TXNDC8: variants seen among roughly 807,000 people sequenced by gnomAD.
TXNDC8 encodes thioredoxin domain-containing protein 8.
Under a neutral mutation model 12.9 loss-of-function variants are expected in TXNDC8, and 15 were observed. The observed-to-expected ratio is 1.16, with a 90% CI of 0.78 to 1.79. The LOEUF (loss-of-function observed/expected upper bound fraction) is 1.79, where lower values mean the gene tolerates loss of function less well. Ranked by LOEUF, TXNDC8 falls within the 40% of genes most tolerant of loss-of-function variation. The pLI, the probability that TXNDC8 is intolerant of heterozygous loss-of-function variation, is 0.00. For missense variants in TXNDC8, 128 were observed against 113.2 expected (o/e 1.13, Z -0.59); for synonymous variants, 40 against 35.4 (o/e 1.13, Z -0.46).
At chr9:110,329,660 G>A (rs4631544) in intron 2 of TXNDC8, among the ~76,000 whole-genome samples, 4 of 152,208 alleles carry the variant, frequency 2.6e-5, no homozygotes, top group Non-Finnish European at 5.9e-5. Flanking sequence ...TCTGTCTTCA[G>A]TGATCTTTGA....
At chr9:110,320,177 C>T (rs1346789450) in intron 3 of TXNDC8, among the ~76,000 whole-genome samples, 2 of 152,182 alleles carry the variant, frequency 1.3e-5, no homozygotes, top group East Asian at 3.8e-4. Context: ...TTTCCCTACT[C>T]CATAGACATA....
chr9:110,323,602 G>A lies in TXNDC8; in HGVS notation c.195+2573C>T. 1.1e-5 allele frequency: 3 copies of A among 269,334 alleles called. No individual in the cohort carries two copies. The South Asian group carries it at 2.3e-4, about 21-fold the overall frequency. 16.7% of individuals were successfully genotyped at this position (269,334 alleles called of 1,614,324 possible). On this transcript the variant is annotated intron_variant, in intron 3 of 4. Coordinates refer to ENST00000423740, the MANE Select transcript of TXNDC8 (RefSeq NM_001286946.2). ...TGAAATGAAGGAGAGTAGCCTGGGA[G>A]AACACCAGATATGTTCATCAGAATT...
At chr9:110,326,323 G>T in intron 2 of TXNDC8, 83 bp from the exon 4 acceptor site, 1 of 1,435,134 alleles carries the variant, frequency 7.0e-7, no homozygotes, top group Admixed American at 1.7e-5. Context: ...AACTTTTTAG[G>T]AGGCGTGTCT....
At chr9:110,305,570 C>CTTTT (rs367834921) in intron 3 of TXNDC8, among the ~76,000 whole-genome samples, 1 of 137,520 alleles carries the variant, frequency 7.3e-6, no homozygotes, top group South Asian at 2.2e-4. Flanking sequence ...TTCTTTCTTT[C>CTTTT]TTTCTTTCTT....
chr9:110,306,174 A>G (rs1012086684), intron 3 of TXNDC8, among the ~76,000 whole-genome samples: 4 of 152,020 alleles, frequency 2.6e-5, no homozygotes, highest in Non-Finnish European at 5.9e-5. Context: ...GCCTGCATAT[A>G]TTTTCAATTT....
At chr9:110,305,699 A>G (rs1329873869) in intron 3 of TXNDC8, among the ~76,000 whole-genome samples, 20 of 87,394 alleles carry the variant, frequency 2.3e-4, no homozygotes, top group Admixed American at 2.0e-3. Context: ...TCTCCTCTTT[A>G]TATCTTTCCT....
At chr9:110,303,790 A>G in intron 4 of TXNDC8, 1 of 1,259,376 alleles carries the variant, frequency 7.9e-7, no homozygotes, top group Non-Finnish European at 1.1e-6. Context: ...CTTTTGCTAA[A>G]AACTTTGCCA....
chr9:110,326,708 T>A (rs1839332551), intron 2 of TXNDC8, among the ~76,000 whole-genome samples: 1 of 152,222 alleles, frequency 6.6e-6, no homozygotes, highest in African/African-American at 2.4e-5. Flanking sequence ...TGTCTTTCTT[T>A]TAAGTCCTTC....
At position 110,335,295 on chromosome 9, in the gene TXNDC8, G is replaced by A. The variant is rs149747341; in HGVS notation, c.25-975C>T. On this transcript the variant is annotated intron_variant, in intron 1 of 4. Transcript: ENST00000423740. ...CTGTTCATCCAGGCTGGGGTGTAGC[G>A]GTGCGATCTCAGCTCACTGCAGACT... is the stretch of plus-strand genomic sequence containing the variant. 2.1e-3 allele frequency among the ~76,000 whole-genome samples: 312 copies of A among 151,944 alleles called. 1 individual carries two copies. The highest frequency in any genetic ancestry group is 7.3e-3 in the African/African-American group (302 of 41,448).
At chr9:110,310,553 T>G (rs1288752301) in intron 3 of TXNDC8, among the ~76,000 whole-genome samples, 2 of 152,192 alleles carry the variant, frequency 1.3e-5, no homozygotes, top group Non-Finnish European at 2.9e-5. Flanking sequence ...CAATGTTTCA[T>G]TCCTGAAAAT....
rs752533824 is a variant in TXNDC8, at chr9:110,326,219, T to G, written c.151A>C (p.Ile51Leu). The stretch of plus-strand genomic sequence containing the variant: ...ATCTGAAATGTGGGTATTGTTTTGA[T>G]GTGACAAGTTTCAGCCAGCTCCTGG... The change falls in exon 3 of 5, where the codon ATC becomes CTC. Residue 51 changes from isoleucine to leucine, a missense_variant. Transcript: ENST00000423740. 3.7e-6 allele frequency: 6 copies of G among 1,613,960 alleles called. No individual in the cohort carries two copies. The highest frequency in any genetic ancestry group is 5.1e-6 in the Non-Finnish European group (6 of 1,179,970).
intron 3 of TXNDC8, chr9:110,323,809 C>G (rs1458618647): frequency 2.3e-5 from 35 of 1,519,418 alleles, no homozygotes; most frequent in Middle Eastern, 1.7e-4. Context: ...TGGTGACAAG[C>G]TGTAGTAGCT....
chr9:110,324,012 A>G, intron 3 of TXNDC8: 1 of 1,549,302 alleles, frequency 6.5e-7, no homozygotes, highest in Non-Finnish European at 8.7e-7. Flanking sequence ...CTAAGGAAGT[A>G]CATGGGATAA....
chr9:110,336,802 G>C (rs1009709231), intron 1 of TXNDC8, among the ~76,000 whole-genome samples: 2 of 152,112 alleles, frequency 1.3e-5, no homozygotes, highest in African/African-American at 2.4e-5. Context: ...ATGGGGGTTG[G>C]ATTACAACTG....
chr9:110,323,073 G>T (rs914691884), intron 3 of TXNDC8: 2 of 985,234 alleles, frequency 2.0e-6, no homozygotes, highest in African/African-American at 3.5e-5. Flanking sequence ...CAATGGAGGG[G>T]GAGGACATCA....
intron 3 of TXNDC8, among the ~76,000 whole-genome samples, chr9:110,312,150 T>C (rs1351366173): frequency 2.6e-5 from 4 of 152,198 alleles, no homozygotes; most frequent in Non-Finnish European, 5.9e-5. Context: ...AACTTTTGCT[T>C]TATTGACAGC....
intron 3 of TXNDC8, among the ~76,000 whole-genome samples, chr9:110,305,241 A>G (rs1838390862): frequency 6.6e-6 from 1 of 151,698 alleles, no homozygotes; most frequent in South Asian, 2.1e-4. Flanking sequence ...GAATTCTACG[A>G]TATGTATTCT....
At chr9:110,325,513 C>CTTT (rs201113003) in intron 3 of TXNDC8, among the ~76,000 whole-genome samples, 49 of 117,544 alleles carry the variant, frequency 4.2e-4, no homozygotes, top group Middle Eastern at 4.5e-3. Flanking sequence ...CTTGTATACA[C>CTTT]TTTTTTTTTT....
chr9:110,301,321 A>G (rs558841879), downstream of TXNDC8, among the ~76,000 whole-genome samples: 1 of 152,374 alleles, frequency 6.6e-6, no homozygotes, highest in African/African-American at 2.4e-5. Flanking sequence ...CAAAAGTTAA[A>G]TGAGGTAATG....
Sources: gnomAD v4.1 joint callset for allele counts (sites outside exome capture counted in the v4.1 genomes callset) on GRCh38, gnomAD v4.1.1 for gene constraint, MANE v1.5 for transcripts, NCBI Gene and HGNC (gene_info 2026-07-23, HGNC 2026-07-21) for gene names.